NREP: variants seen among roughly 807,000 people sequenced by gnomAD.
NREP encodes the protein neuronal regeneration related protein.
A neutral mutation model predicts 8.6 loss-of-function variants in NREP; 5 were observed. That is an observed-to-expected ratio of 0.58 (90% CI 0.30 to 1.22). NREP has a LOEUF of 1.22. Among genes scored for constraint, NREP ranks in the 50% most tolerant of loss-of-function variants. NREP has a pLI of 0.07. For missense variants in NREP, 86 were observed against 82.5 expected (o/e 1.04, Z -0.17); for synonymous variants, 27 against 28.0 (o/e 0.96, Z 0.11).
intron 2 of NREP, among the ~76,000 whole-genome samples, chr5:111,876,561 T>G (rs1170511259): frequency 6.6e-6 from 1 of 152,198 alleles, no homozygotes; most frequent in Non-Finnish European, 1.5e-5. Flanking sequence ...TCTTGAACTG[T>G]GTGTACTGCA....
chr5:111,976,716 A>G, exon 1 of NREP: 1 of 1,550,722 alleles, frequency 6.4e-7, no homozygotes, highest in Non-Finnish European at 8.7e-7. Context: ...ATACCAAAGC[A>G]GAATAATTCC....
intron 2 of NREP, among the ~76,000 whole-genome samples, chr5:111,957,752 A>G (rs1243634149): frequency 6.6e-6 from 1 of 151,924 alleles, no homozygotes; most frequent in Non-Finnish European, 1.5e-5. Context: ...TATGTAAGGT[A>G]TGTGTACAAA....
intron 2 of NREP, among the ~76,000 whole-genome samples, chr5:111,785,975 C>G (rs1015066630): frequency 2.0e-5 from 3 of 152,096 alleles, no homozygotes; most frequent in African/African-American, 7.2e-5. Context: ...GAAGAGAGGT[C>G]ACTCTCTTTT....
chr5:111,811,784 G>T (rs895807435), intron 2 of NREP, among the ~76,000 whole-genome samples: 3 of 152,010 alleles, frequency 2.0e-5, no homozygotes, highest in Non-Finnish European at 4.4e-5. Flanking sequence ...AATCACAAAG[G>T]GTTTTTTTCT....
intron 2 of NREP, among the ~76,000 whole-genome samples, chr5:111,820,384 G>A (rs1752489349): frequency 6.6e-6 from 1 of 152,196 alleles, no homozygotes. Flanking sequence ...TGATTTTGGA[G>A]CTGCAAGTAA....
In NREP at chr5:111,917,837, T is replaced by C. The variant is rs543183008; in HGVS notation, c.135+57437A>G. 9.1e-4 allele frequency among the ~76,000 whole-genome samples: 138 copies of C among 152,272 alleles called. 1 individual carries two copies. Among genetic ancestry groups the C allele is most frequent in the African/African-American group, 3.3e-3 (137 of 41,548 alleles). ...CCTCTCTCACCACTCCTATTCAACA[T>C]TGTATTGGAAGTTCTGGCCAGGGCA... On this transcript the variant is annotated intron_variant, in intron 2 of 3. Coordinates refer to the NREP transcript ENST00000395634.
chr5:111,730,991 G>A lies in NREP; in HGVS notation c.137C>T (p.Ala46Val). The A allele has an allele frequency of 6.2e-7, 1 of 1,613,952 alleles. No individual in the cohort carries two copies. The highest frequency in any genetic ancestry group is 1.1e-5 in the South Asian group (1 of 91,080). Reference sequence around the variant, plus strand: ...GCTGCCCAGTGGAGTCAGGGAGGCAGCGTTTGTCTCATCGTTCTTCTTGCG... The same window carrying A: ...GCTGCCCAGTGGAGTCAGGGAGGCAACGTTTGTCTCATCGTTCTTCTTGCG... The part of the protein sequence containing the change: ...VNRKKNDETN[A>V]ASLTPLGSSE... The change falls in exon 4 of 4, where the codon GCT becomes GTT. Residue 46 changes from alanine (A) to valine (V), a missense_variant. Coordinates refer to ENST00000257435, the MANE Select transcript of NREP (RefSeq NM_004772.4).
chr5:111,770,654 T>TCCCC (rs1751197950), intron 2 of NREP, among the ~76,000 whole-genome samples: 1 of 128,720 alleles, frequency 7.8e-6, no homozygotes, highest in Admixed American at 9.8e-5. Flanking sequence ...CACTACAGCC[T>TCCCC]CCCCCTCCCA....
intron 1 of NREP, 103 bp from the exon 2 acceptor site, chr5:111,755,933 TTAAGA>T (rs144568737): frequency 0.083 from 126,752 of 1,518,752 alleles, 5,984 homozygotes; most frequent in East Asian, 0.23. Context: ...TTTTCTGTGG[TTAAGA>T]TAAGTTACAT....
intron 2 of NREP, among the ~76,000 whole-genome samples, chr5:111,905,990 A>G (rs1362992962): frequency 1.3e-5 from 2 of 152,102 alleles, no homozygotes; most frequent in African/African-American, 4.8e-5. Flanking sequence ...GATAAGAATT[A>G]GTAATAACAG....
At chr5:111,746,636 A>T (rs1750023886) in intron 2 of NREP, among the ~76,000 whole-genome samples, 2 of 152,200 alleles carry the variant, frequency 1.3e-5, no homozygotes, top group African/African-American at 4.8e-5. Context: ...TGAATATTTC[A>T]TAGGCAGTTT....
chr5:111,914,422 G>T (rs1444668003), intron 2 of NREP, among the ~76,000 whole-genome samples: 1 of 152,044 alleles, frequency 6.6e-6, no homozygotes, highest in Non-Finnish European at 1.5e-5. Context: ...CTTATTTGAA[G>T]GTGTTCTTAC....
chr5:111,810,961 T>C (rs1752256126), intron 2 of NREP, among the ~76,000 whole-genome samples: 1 of 152,194 alleles, frequency 6.6e-6, no homozygotes. Flanking sequence ...TGCAAATTAA[T>C]TGAGGCAATT....
At chr5:111,877,133 A>G (rs1320731996) in intron 2 of NREP, among the ~76,000 whole-genome samples, 1 of 152,178 alleles carries the variant, frequency 6.6e-6, no homozygotes, top group African/African-American at 2.4e-5. Context: ...ACCTAAGCCA[A>G]ATATTCTCAT....
chr5:111,755,960 T>C, intron 1 of NREP, 130 bp from the exon 2 acceptor site: 2 of 1,462,770 alleles, frequency 1.4e-6, no homozygotes, highest in Non-Finnish European at 1.8e-6. Flanking sequence ...CAAATTATTG[T>C]TAACTACTGG....
At chr5:111,756,320 C>CCG in intron 1 of NREP, 6 of 30,650 alleles carry the variant, frequency 2.0e-4, no homozygotes, top group Non-Finnish European at 2.9e-4. Flanking sequence ...AAACCCTACA[C>CCG]GGCGGGGGGG....
At chr5:111,825,885 G>A (rs1752611082) in intron 2 of NREP, among the ~76,000 whole-genome samples, 1 of 151,932 alleles carries the variant, frequency 6.6e-6, no homozygotes, top group Admixed American at 6.6e-5. Context: ...CATCTGATGG[G>A]TGGCACCTAG....
intron 2 of NREP, among the ~76,000 whole-genome samples, chr5:111,908,750 T>A (rs1276017360): frequency 1.3e-5 from 2 of 152,068 alleles, no homozygotes; most frequent in Admixed American, 6.6e-5. Flanking sequence ...CGTGAATGTA[T>A]CTTTTAGGTA....
At chr5:111,914,990 T>C (rs1000062076) in intron 2 of NREP, among the ~76,000 whole-genome samples, 1 of 152,132 alleles carries the variant, frequency 6.6e-6, no homozygotes, top group Non-Finnish European at 1.5e-5. Context: ...TCCTTTTCAT[T>C]GTAGGTAAAG....
Sources: allele counts gnomAD v4.1 joint callset (sites outside exome capture counted in the v4.1 genomes callset), GRCh38; gene constraint gnomAD v4.1.1; transcripts MANE v1.5; gene names NCBI Gene and HGNC (gene_info 2026-07-23, HGNC 2026-07-21).